PSMD4: variants seen among roughly 807,000 people sequenced by gnomAD.
The protein encoded by PSMD4 is 26S proteasome non-ATPase regulatory subunit 4.
A neutral mutation model predicts 39.7 loss-of-function variants in PSMD4; 5 were observed. The ratio of observed to expected loss-of-function variants is 0.13; its 90% CI spans 0.07 to 0.26. PSMD4 has a LOEUF of 0.26. PSMD4 is among the 10% of genes least tolerant of loss of function. PSMD4 has a pLI of 1.00. For synonymous variants in PSMD4, 143 were observed against 174.6 expected (o/e 0.82, Z 1.43); for missense variants, 272 against 486.1 (o/e 0.56, Z 4.14).
chr1:151,258,636 T>G (rs774406139), intron 1 of PSMD4, among the ~76,000 whole-genome samples: 6 of 151,866 alleles, frequency 4.0e-5, no homozygotes, highest in Non-Finnish European at 8.8e-5. Context: ...ATTTTTTGTA[T>G]TTTTTGTAGA....
At chr1:151,257,715 CTTTTT>C (rs71090149) in intron 1 of PSMD4, among the ~76,000 whole-genome samples, 347 of 88,732 alleles carry the variant, frequency 3.9e-3, no homozygotes, top group Non-Finnish European at 5.3e-3. Context: ...ACCTGGCTTT[CTTTTT>C]TTTTTTTTTT....
intron 3 of PSMD4, 56 bp from the exon 4 acceptor site, chr1:151,264,776 G>C: frequency 1.4e-6 from 2 of 1,400,278 alleles, no homozygotes. Context: ...AGTGACAGAG[G>C]AAAGAGCTGA....
chr1:151,256,402 GTGTC>G (rs1179639529), intron 1 of PSMD4, among the ~76,000 whole-genome samples: 1 of 147,856 alleles, frequency 6.8e-6, no homozygotes. Flanking sequence ...TAAAAATAAA[GTGTC>G]TGATGTCTGT....
At chr1:151,262,613 G>A (rs970909615) in intron 2 of PSMD4, 8 of 305,160 alleles carry the variant, frequency 2.6e-5, no homozygotes, top group Admixed American at 4.5e-5. Flanking sequence ...AGTGGCTCAT[G>A]TCTGTAATCC....
chr1:151,264,590 G>A (rs1361250168), intron 3 of PSMD4, among the ~76,000 whole-genome samples: 5 of 150,470 alleles, frequency 3.3e-5, no homozygotes, highest in Non-Finnish European at 5.9e-5. Context: ...CAGACTGGGC[G>A]ACAGAGCGAG....
intron 9 of PSMD4, chr1:151,266,808 G>C: frequency 1.3e-6 from 1 of 747,830 alleles, no homozygotes; most frequent in Non-Finnish European, 2.3e-6. Context: ...CTTGCTGGTG[G>C]GAGCAGCCTG....
intron 2 of PSMD4, 112 bp downstream of exon 2, chr1:151,262,413 G>A: frequency 1.5e-6 from 2 of 1,318,982 alleles, no homozygotes; most frequent in Non-Finnish European, 2.2e-6. Context: ...ACTGCCTTCT[G>A]CACTATTTAG....
At chr1:151,256,320 G>A (rs587736859) in intron 1 of PSMD4, among the ~76,000 whole-genome samples, 1 of 138,204 alleles carries the variant, frequency 7.2e-6, no homozygotes. Context: ...CTCTAGCCTG[G>A]GCGACAGAGT....
intron 1 of PSMD4, among the ~76,000 whole-genome samples, chr1:151,259,551 GA>G (rs11313850): frequency 0.67 from 101,085 of 151,388 alleles, 33,940 homozygotes; most frequent in Non-Finnish European, 0.71. Context: ...GCATACTAAA[GA>G]AAAAAAAATT....
intron 1 of PSMD4, among the ~76,000 whole-genome samples, chr1:151,260,491 G>T (rs1335519092): frequency 6.6e-6 from 1 of 152,178 alleles, no homozygotes; most frequent in African/African-American, 2.4e-5. Flanking sequence ...CAGTTCAGCT[G>T]TCAAAGCTGT....
intron 1 of PSMD4, among the ~76,000 whole-genome samples, chr1:151,257,288 A>G (rs1391146761): frequency 6.6e-6 from 1 of 151,914 alleles, no homozygotes; most frequent in African/African-American, 2.4e-5. Flanking sequence ...ATTCTGTCCC[A>G]TTGGTCTCTG....
chr1:151,254,929 G>A, intron 1 of PSMD4, 121 bp downstream of exon 1: 3 of 1,255,806 alleles, frequency 2.4e-6, no homozygotes, highest in South Asian at 3.6e-5. Flanking sequence ...CCTGGCCCCG[G>A]AGGTAAGGAG....
chr1:151,260,139 C>T (rs1289164336), intron 1 of PSMD4, among the ~76,000 whole-genome samples: 3 of 150,712 alleles, frequency 2.0e-5, no homozygotes, highest in South Asian at 2.1e-4. Context: ...GCGGAGGTTG[C>T]GGTGAGCCGA....
chr1:151,264,829 A>C lies in PSMD4; in HGVS notation c.283-3A>C, dbSNP rs201403939. ...CTCTGAGAACTTCCTCTCCCTTTACAAGCTGGCTCTGAAGCACCGACAAGG... is the reference window on the plus strand; with the variant it reads ...CTCTGAGAACTTCCTCTCCCTTTACCAGCTGGCTCTGAAGCACCGACAAGG... On this transcript the variant is annotated splice_polypyrimidine_tract_variant and splice_region_variant and intron_variant, in intron 3 of 9. Transcript: ENST00000368884. 1 of 1,610,042 alleles carries C rather than the reference A, an allele frequency of 6.2e-7. No homozygotes were observed. Among genetic ancestry groups the C allele is most frequent in the East Asian group, 2.2e-5 (1 of 44,850 alleles).
chr1:151,266,276 A>G (rs776892280), intron 7 of PSMD4, 32 bp from the exon 8 acceptor site: 78 of 1,613,704 alleles, frequency 4.8e-5, no homozygotes, highest in Non-Finnish European at 5.8e-5. Flanking sequence ...TATGGCACCA[A>G]TTCTACCCTG....
chr1:151,264,973 C>T (rs1693396505), intron 4 of PSMD4, 55 bp downstream of exon 4: 3 of 1,500,298 alleles, frequency 2.0e-6, no homozygotes, highest in Admixed American at 1.8e-5. Context: ...GGACTGAGGT[C>T]TTCCAGCCCT....
rs779184227 is a variant in PSMD4, at chr1:151,264,891, A to G, written c.342A>G (p.Gly114=). 6.2e-7 allele frequency: 1 copy of G among 1,613,576 alleles called. No individual in the cohort carries two copies. Among genetic ancestry groups the G allele is most frequent in the East Asian group, 2.2e-5 (1 of 44,874 alleles). The stretch of plus-strand genomic sequence containing the variant: ...AGATGCGCATCATTGCCTTTGTGGG[A>G]AGCCCAGTGGAGGACAATGAGAAGG... ...NHKMRIIAFV[G]SPVEDNEKDL... The change falls in exon 4 of 10, where the codon GGA becomes GGG. Residue 114 remains glycine (G), a synonymous_variant. Coordinates refer to ENST00000368884, the MANE Select transcript of PSMD4 (RefSeq NM_002810.4).
At chr1:151,258,474 T>TG (rs758824089) in intron 1 of PSMD4, among the ~76,000 whole-genome samples, 14 of 95,188 alleles carry the variant, frequency 1.5e-4, no homozygotes, top group Admixed American at 5.3e-4. Context: ...TTTTTTTTTT[T>TG]GGGGGAGACA....
chr1:151,265,792 G>T (rs1216063017), intron 6 of PSMD4, among the ~76,000 whole-genome samples, 183 bp downstream of exon 6: 4 of 152,218 alleles, frequency 2.6e-5, no homozygotes, highest in African/African-American at 9.7e-5. Flanking sequence ...ACCAGTGTCA[G>T]ATGCTTTCTT....
Sources: allele counts gnomAD v4.1 joint callset (sites outside exome capture counted in the v4.1 genomes callset), GRCh38; gene constraint gnomAD v4.1.1; transcripts MANE v1.5; gene names NCBI Gene and HGNC (gene_info 2026-07-23, HGNC 2026-07-21).